ATRNL1: variants seen among roughly 807,000 people sequenced by gnomAD.
ATRNL1 encodes the protein attractin-like protein 1.
A neutral mutation model predicts 182.7 loss-of-function variants in ATRNL1; 95 were observed. The ratio of observed to expected loss-of-function variants is 0.52; its 90% CI spans 0.44 to 0.62. The LOEUF (loss-of-function observed/expected upper bound fraction) is 0.62. Among genes scored for constraint, ATRNL1 ranks in the 20% least tolerant of loss-of-function variants. ATRNL1 has a pLI of 0.00. For synonymous variants in ATRNL1, 576 were observed against 568.3 expected (o/e 1.01, Z -0.19); for missense variants, 1,471 against 1,679.5 (o/e 0.88, Z 2.17).
At chr10:115,099,695 A>G (rs770581549) in intron 1 of ATRNL1, among the ~76,000 whole-genome samples, 3 of 152,158 alleles carry the variant, frequency 2.0e-5, no homozygotes, top group Non-Finnish European at 2.9e-5. Flanking sequence ...AATGATATTG[A>G]GTATCTTCTC....
chr10:115,139,675 A>G (rs542935434), intron 5 of ATRNL1, among the ~76,000 whole-genome samples: 3 of 152,322 alleles, frequency 2.0e-5, no homozygotes, highest in East Asian at 3.9e-4. Context: ...CAACCAAACC[A>G]TATCAGTTAC....
chr10:115,757,114 T>C (rs1948611221), intron 27 of ATRNL1, among the ~76,000 whole-genome samples: 1 of 152,206 alleles, frequency 6.6e-6, no homozygotes, highest in African/African-American at 2.4e-5. Context: ...GTTTATCCAA[T>C]TTGCCAGTCT....
chr10:115,534,311 A>G (rs1318115801), intron 25 of ATRNL1, among the ~76,000 whole-genome samples: 2 of 151,988 alleles, frequency 1.3e-5, no homozygotes, highest in African/African-American at 4.8e-5. Context: ...ATATATATTT[A>G]GGATAGTTAG....
intron 8 of ATRNL1, among the ~76,000 whole-genome samples, chr10:115,202,509 G>A (rs1479573090): frequency 6.6e-6 from 1 of 152,126 alleles, no homozygotes; most frequent in African/African-American, 2.4e-5. Flanking sequence ...TTTGTCTTTG[G>A]TTCTGTTTAC....
chr10:115,627,818 G>C (rs1205606363), intron 26 of ATRNL1, among the ~76,000 whole-genome samples: 1 of 152,090 alleles, frequency 6.6e-6, no homozygotes, highest in Non-Finnish European at 1.5e-5. Context: ...TATACTCCTA[G>C]GAGTGGAATT....
chr10:115,129,473 C>T lies in ATRNL1; in HGVS notation c.767C>T (p.Pro256Leu). The change falls in exon 5 of 29, where the codon CCA becomes CTA. Residue 256 changes from proline (P) to leucine (L), a missense_variant. Pro to Leu is a moderately conservative substitution (Grantham distance 98, BLOSUM62 -3). Coordinates refer to ENST00000355044, the MANE Select transcript of ATRNL1 (RefSeq NM_207303.4). ...IPYCKANCGS[P>L]DHGYCDLTGE... ...TACTGTAAAGCCAATTGCGGCAGTC[C>T]AGATCACGGTTACTGTGACCTGACT... is the stretch of plus-strand genomic sequence containing the variant. 1 of 1,614,066 alleles carries T rather than the reference C, an allele frequency of 6.2e-7. No homozygotes were observed. The highest frequency in any genetic ancestry group is 8.5e-7 in the Non-Finnish European group (1 of 1,180,008).
At chr10:115,564,801 A>G (rs1344598624) in intron 26 of ATRNL1, among the ~76,000 whole-genome samples, 1 of 151,942 alleles carries the variant, frequency 6.6e-6, no homozygotes, top group Non-Finnish European at 1.5e-5. Flanking sequence ...CAATATGAAT[A>G]TACATCTTTT....
At position 115,680,555 on chromosome 10, in the gene ATRNL1, C is replaced by T. The variant is rs186808786; in HGVS notation, c.3796-46693C>T. 4.1e-4 allele frequency among the ~76,000 whole-genome samples: 63 copies of T among 152,186 alleles called. 1 individual carries two copies. The highest frequency in any genetic ancestry group is 2.2e-3 in the Admixed American group (33 of 15,252). ...ACAGAGAAAACTCTTAAAGTATATG[C>T]AGTTATGAAAAGTCTATGTAAATTA... is the stretch of plus-strand genomic sequence containing the variant. On this transcript the variant is annotated intron_variant, in intron 26 of 28. Coordinates refer to ENST00000355044, the MANE Select transcript of ATRNL1 (RefSeq NM_207303.4).
At chr10:115,426,346 T>A (rs553990835) in intron 21 of ATRNL1, 44 bp downstream of exon 21, 1 of 1,392,388 alleles carries the variant, frequency 7.2e-7, no homozygotes, top group African/African-American at 1.4e-5. Flanking sequence ...TGGTGCATAC[T>A]ATTAGTTTCA....
At chr10:115,561,684 T>TGGGTGTGG (rs1853729337) in intron 26 of ATRNL1, among the ~76,000 whole-genome samples, 1 of 97,908 alleles carries the variant, frequency 1.0e-5, no homozygotes, top group African/African-American at 3.7e-5. Flanking sequence ...TGTGTGTGTG[T>TGGGTGTGG]GTGTGGGTGT....
chr10:115,920,746 A>G (rs1953026328), intron 28 of ATRNL1, among the ~76,000 whole-genome samples: 1 of 152,266 alleles, frequency 6.6e-6, no homozygotes, highest in Non-Finnish European at 1.5e-5. Context: ...AGACGGAACC[A>G]TTAATGAAAG....
At chr10:115,897,706 A>C (rs1352206358) in intron 28 of ATRNL1, among the ~76,000 whole-genome samples, 3 of 152,158 alleles carry the variant, frequency 2.0e-5, no homozygotes, top group African/African-American at 7.2e-5. Flanking sequence ...GTGGAAGAGA[A>C]GTTGAAAATC....
At chr10:115,408,072 C>T (rs1251685169) in intron 20 of ATRNL1, among the ~76,000 whole-genome samples, 4 of 144,148 alleles carry the variant, frequency 2.8e-5, no homozygotes, top group Admixed American at 1.4e-4. Flanking sequence ...GGCGCAATCT[C>T]GGCTCACTGC....
At chr10:115,819,537 AT>A (rs1336238034) in intron 27 of ATRNL1, among the ~76,000 whole-genome samples, 1 of 152,060 alleles carries the variant, frequency 6.6e-6, no homozygotes, top group Non-Finnish European at 1.5e-5. Context: ...AGTCCTGCAA[AT>A]TATACCACCA....
At chr10:115,358,139 C>T (rs1856584146) in intron 19 of ATRNL1, among the ~76,000 whole-genome samples, 1 of 151,576 alleles carries the variant, frequency 6.6e-6, no homozygotes, top group African/African-American at 2.4e-5. Context: ...GATATAAGTT[C>T]TCATTAAATA....
intron 18 of ATRNL1, among the ~76,000 whole-genome samples, chr10:115,328,204 A>G (rs1855019342): frequency 6.6e-6 from 1 of 152,266 alleles, no homozygotes; most frequent in African/African-American, 2.4e-5. Context: ...ATTATAGACA[A>G]TTGGTAATAC....
At chr10:115,477,005 T>C (rs1363711170) in intron 24 of ATRNL1, among the ~76,000 whole-genome samples, 1 of 151,546 alleles carries the variant, frequency 6.6e-6, no homozygotes. Flanking sequence ...AGTTTTTAAA[T>C]TGAGAGATGA....
intron 26 of ATRNL1, among the ~76,000 whole-genome samples, chr10:115,638,036 T>C (rs1156726371): frequency 6.6e-6 from 1 of 152,156 alleles, no homozygotes; most frequent in Non-Finnish European, 1.5e-5. Context: ...TTTTATAAAG[T>C]AGTATACATT....
At chr10:115,878,704 C>T (rs1555107796) in intron 28 of ATRNL1, among the ~76,000 whole-genome samples, 1 of 152,110 alleles carries the variant, frequency 6.6e-6, no homozygotes, top group East Asian at 1.9e-4. Context: ...CTTACAGTTT[C>T]AAGACTCTCG....
Sources: allele counts gnomAD v4.1 joint callset (sites outside exome capture counted in the v4.1 genomes callset), GRCh38; gene constraint gnomAD v4.1.1; transcripts MANE v1.5; gene names NCBI Gene and HGNC (gene_info 2026-07-23, HGNC 2026-07-21).